PLCB1: variants seen among roughly 807,000 people sequenced by gnomAD.
PLCB1 encodes phospholipase C beta 1, also known as 1-phosphatidylinositol 4,5-bisphosphate phosphodiesterase beta-1.
PLCB1 carries 46 observed loss-of-function variants against 161.8 expected under a neutral mutation model. The observed-to-expected ratio is 0.28, with a 90% CI of 0.22 to 0.36. The LOEUF is 0.36. PLCB1 is among the 10% of genes least tolerant of loss of function. PLCB1 has a pLI of 1.00. For missense variants in PLCB1, 1,016 were observed against 1,472.5 expected, an observed-to-expected ratio of 0.69 and a Z score of 5.07; for synonymous variants, 517 against 503.7, an observed-to-expected ratio of 1.03 and a Z score of -0.35.
intron 31 of PLCB1, among the ~76,000 whole-genome samples, chr20:8,822,548 G>T (rs909607344): frequency 6.6e-6 from 1 of 152,182 alleles, no homozygotes; most frequent in South Asian, 2.1e-4. Context: ...CCAGTGTGGA[G>T]ATTAAAGGAT....
intron 31 of PLCB1, among the ~76,000 whole-genome samples, chr20:8,880,157 A>C (rs1987922083): frequency 6.6e-6 from 1 of 152,194 alleles, no homozygotes; most frequent in Admixed American, 6.5e-5. Flanking sequence ...CAAGCTAATA[A>C]GGAGGTGTGG....
At chr20:8,586,125 T>G (rs1288001565) in intron 3 of PLCB1, among the ~76,000 whole-genome samples, 1 of 152,210 alleles carries the variant, frequency 6.6e-6, no homozygotes, top group Non-Finnish European at 1.5e-5. Context: ...TTTGTTATAT[T>G]GGTTCCATTA....
chr20:8,753,620 C>G (rs1403683004), intron 23 of PLCB1, among the ~76,000 whole-genome samples: 1 of 152,130 alleles, frequency 6.6e-6, no homozygotes, highest in Non-Finnish European at 1.5e-5. Flanking sequence ...ATGCATAGCT[C>G]ACTCTTGCAC....
At chr20:8,307,979 T>G (rs1412256262) in intron 2 of PLCB1, among the ~76,000 whole-genome samples, 1 of 151,974 alleles carries the variant, frequency 6.6e-6, no homozygotes, top group African/African-American at 2.4e-5. Flanking sequence ...TGTGGCTGTT[T>G]ATTCCTTTTC....
chr20:8,492,290 CTT>C (rs961145220), intron 3 of PLCB1, among the ~76,000 whole-genome samples: 1 of 151,906 alleles, frequency 6.6e-6, no homozygotes. Context: ...GCCCTTCTGA[CTT>C]GTAAATAACT....
chr20:8,558,617 A>C (rs751196871), intron 3 of PLCB1, among the ~76,000 whole-genome samples: 1 of 151,860 alleles, frequency 6.6e-6, no homozygotes, highest in Non-Finnish European at 1.5e-5. Flanking sequence ...ATAAATACAA[A>C]GACAGCCACA....
intron 2 of PLCB1, among the ~76,000 whole-genome samples, chr20:8,337,718 C>A (rs1985637475): frequency 6.6e-6 from 1 of 152,054 alleles, no homozygotes; most frequent in East Asian, 1.9e-4. Context: ...ATTTAGAAAC[C>A]CTTTTGCAAA....
chr20:8,765,368 A>G lies in PLCB1; in HGVS notation c.2930+10A>G, dbSNP rs566581210. 1.9e-6 allele frequency: 3 copies of G among 1,587,678 alleles called. No individual in the cohort carries two copies. Among genetic ancestry groups the G allele is most frequent in the East Asian group, 4.5e-5 (2 of 44,762 alleles). On this transcript the variant is annotated intron_variant, in intron 26 of 31. Transcript: ENST00000338037. The stretch of plus-strand genomic sequence containing the variant: ...AGGACAGTAAGAAAAAGTAAGTTCA[A>G]TGAATATTTTTAGTTGGTTTCATAG...
chr20:8,537,463 T>C (rs528034600), intron 3 of PLCB1, among the ~76,000 whole-genome samples: 3 of 152,224 alleles, frequency 2.0e-5, no homozygotes, highest in South Asian at 2.1e-4. Context: ...CCTATCTATA[T>C]AGGGAGACTG....
At chr20:8,557,292 A>G (rs530544694) in intron 3 of PLCB1, among the ~76,000 whole-genome samples, 1 of 152,174 alleles carries the variant, frequency 6.6e-6, no homozygotes, top group East Asian at 1.9e-4. Context: ...GGTGAAAACA[A>G]CCCAAATATC....
intron 31 of PLCB1, among the ~76,000 whole-genome samples, chr20:8,795,735 T>A (rs770083420): frequency 6.6e-6 from 1 of 151,658 alleles, no homozygotes; most frequent in East Asian, 1.9e-4. Context: ...ATTAGCCAGG[T>A]GTGGTGGTGG....
intron 2 of PLCB1, among the ~76,000 whole-genome samples, chr20:8,359,020 T>C (rs1380270077): frequency 6.6e-6 from 1 of 152,212 alleles, no homozygotes; most frequent in Non-Finnish European, 1.5e-5. Flanking sequence ...TAGTTGTTCT[T>C]CTGTATTTTG....
chr20:8,727,450 T>C (rs1451480539), intron 17 of PLCB1, 57 bp downstream of exon 17: 2 of 956,362 alleles, frequency 2.1e-6, no homozygotes, highest in East Asian at 2.4e-5. Context: ...CTTGTGCTAT[T>C]TGTTCATTTG....
chr20:8,746,682 A>G (rs766558109), intron 23 of PLCB1, among the ~76,000 whole-genome samples: 1 of 152,170 alleles, frequency 6.6e-6, no homozygotes, highest in Non-Finnish European at 1.5e-5. Context: ...TAAGTCTTAA[A>G]ACCTCCGGAT....
intron 2 of PLCB1, among the ~76,000 whole-genome samples, chr20:8,317,631 C>A (rs1262905063): frequency 6.6e-6 from 1 of 152,188 alleles, no homozygotes; most frequent in East Asian, 1.9e-4. Flanking sequence ...TTCTTATGCC[C>A]CAGTTTTGAC....
intron 19 of PLCB1, among the ~76,000 whole-genome samples, chr20:8,733,815 A>ATAATAC (rs1257948357): frequency 3.4e-5 from 4 of 116,422 alleles, no homozygotes; most frequent in South Asian, 5.7e-4. Context: ...AATAATAATA[A>ATAATAC]TAATAATAAT....
chr20:8,702,070 G>T (rs1978396247), intron 11 of PLCB1, among the ~76,000 whole-genome samples: 1 of 152,184 alleles, frequency 6.6e-6, no homozygotes, highest in Non-Finnish European at 1.5e-5. Context: ...CTGTGTGATA[G>T]ATCCCAAAAG....
intron 9 of PLCB1, among the ~76,000 whole-genome samples, chr20:8,678,463 C>T (rs1990140644): frequency 6.6e-6 from 1 of 152,204 alleles, no homozygotes; most frequent in Admixed American, 6.5e-5. Flanking sequence ...AAGGTGTTTG[C>T]TTCTAAGTAA....
intron 31 of PLCB1, among the ~76,000 whole-genome samples, chr20:8,809,452 C>T (rs990049584): frequency 3.9e-5 from 6 of 152,186 alleles, no homozygotes; most frequent in African/African-American, 1.2e-4. Flanking sequence ...CTCCTCCCAA[C>T]GCCTTATTCA....
Sources: allele counts gnomAD v4.1 joint callset (sites outside exome capture counted in the v4.1 genomes callset), GRCh38; gene constraint gnomAD v4.1.1; transcripts MANE v1.5; gene names NCBI Gene and HGNC (gene_info 2026-07-23, HGNC 2026-07-21).